Variants in SEMA3A observed in about 807,000 individuals in gnomAD.
SEMA3A encodes semaphorin-3A.
A neutral mutation model predicts 97.9 loss-of-function variants in SEMA3A; 29 were observed. The observed-to-expected ratio is 0.30, with a 90% CI of 0.22 to 0.40. The LOEUF is 0.40. Among genes scored for constraint, SEMA3A ranks in the 10% least tolerant of loss-of-function variants. SEMA3A has a pLI of 1.00. For synonymous variants in SEMA3A, 321 were observed against 323.7 expected, an observed-to-expected ratio of 0.99 and a Z score of 0.09; for missense variants, 763 against 951.3, an observed-to-expected ratio of 0.80 and a Z score of 2.60.
rs150759400 is a variant in SEMA3A at position 84,472,453 on chromosome 7, G to A, written c.-246+20007C>T. 2.1e-3 allele frequency among the ~76,000 whole-genome samples: 316 copies of A among 152,184 alleles called. 1 individual carries two copies. The highest frequency in any genetic ancestry group is 7.0e-3 in the African/African-American group (291 of 41,548). ...AAAACGCATTAGTGCTTCGTGCTTC[G>A]TATTATATTATGTGTATTGTATTTG... On this transcript the variant is annotated intron_variant, in intron 1 of 3. Coordinates refer to the SEMA3A transcript ENST00000424555.
At chr7:84,163,447 C>T (rs1797106518) in intron 1 of SEMA3A, among the ~76,000 whole-genome samples, 1 of 151,770 alleles carries the variant, frequency 6.6e-6, no homozygotes, top group African/African-American at 2.4e-5. Context: ...GTAGATCTGC[C>T]TATAATTTTC....
chr7:84,112,922 ATCTG>A (rs1357144280), intron 3 of SEMA3A, among the ~76,000 whole-genome samples: 1 of 152,198 alleles, frequency 6.6e-6, no homozygotes, highest in Non-Finnish European at 1.5e-5. Context: ...GATAACGGGA[ATCTG>A]TCTGTGTTAC....
chr7:84,446,583 C>A (rs1268038267), intron 1 of SEMA3A, among the ~76,000 whole-genome samples: 1 of 152,070 alleles, frequency 6.6e-6, no homozygotes, highest in East Asian at 1.9e-4. Flanking sequence ...TTAAGATGTA[C>A]AAAAAGCATT....
chr7:84,299,560 C>A (rs1292539839), intron 3 of SEMA3A, among the ~76,000 whole-genome samples: 1 of 151,176 alleles, frequency 6.6e-6, no homozygotes, highest in African/African-American at 2.4e-5. Flanking sequence ...AGAGTACTTT[C>A]AAAAATGGCT....
intron 1 of SEMA3A, among the ~76,000 whole-genome samples, chr7:84,440,387 A>G (rs1371373969): frequency 6.6e-6 from 1 of 152,176 alleles, no homozygotes; most frequent in African/African-American, 2.4e-5. Flanking sequence ...AAGCCAGGGT[A>G]GGTAAAATGG....
intron 4 of SEMA3A, among the ~76,000 whole-genome samples, chr7:84,066,009 C>T (rs1793473621): frequency 6.6e-6 from 1 of 151,370 alleles, no homozygotes; most frequent in Non-Finnish European, 1.5e-5. Context: ...AACATTGATG[C>T]AAAAATCCTC....
At position 84,188,757 on chromosome 7, in the gene SEMA3A, CTTAT is replaced by C. The variant is rs373675267; in HGVS notation, c.112+5714_112+5717del. On this transcript the variant is annotated intron_variant, in intron 1 of 16. Coordinates refer to ENST00000265362, the MANE Select transcript of SEMA3A (RefSeq NM_006080.3). The stretch of plus-strand genomic sequence containing the variant: ...TACAGATTAATTTCACATATCAAGC[CTTAT>C]TTAAGTTTAAATGTATGTATTTGCT... Among the ~76,000 whole-genome samples, 56 of 151,952 alleles carry C rather than the reference CTTAT, an allele frequency of 3.7e-4. 1 individual carries two copies. The highest frequency in any genetic ancestry group is 1.3e-3 in the African/African-American group (55 of 41,526).
intron 2 of SEMA3A, among the ~76,000 whole-genome samples, chr7:84,131,908 G>C (rs1228863709): frequency 6.6e-6 from 1 of 152,108 alleles, no homozygotes; most frequent in Non-Finnish European, 1.5e-5. Context: ...TCCTGCCGCA[G>C]CCTTTAGGCT....
chr7:84,001,688 TA>T (rs1790460734), intron 12 of SEMA3A, among the ~76,000 whole-genome samples: 1 of 151,694 alleles, frequency 6.6e-6, no homozygotes, highest in South Asian at 2.1e-4. Context: ...TTAAATAATA[TA>T]AAATGTAATA....
intron 1 of SEMA3A, among the ~76,000 whole-genome samples, chr7:84,458,220 G>A (rs1223961581): frequency 2.6e-5 from 4 of 152,000 alleles, no homozygotes; most frequent in Admixed American, 6.6e-5. Flanking sequence ...AATGCTTCAC[G>A]TTTATATCAA....
chr7:84,463,035 T>C (rs560032878), intron 1 of SEMA3A, among the ~76,000 whole-genome samples: 1 of 152,130 alleles, frequency 6.6e-6, no homozygotes, highest in African/African-American at 2.4e-5. Flanking sequence ...CTCATTACCG[T>C]AGTCTCTACA....
At chr7:84,430,333 C>T (rs1410089912) in intron 1 of SEMA3A, among the ~76,000 whole-genome samples, 1 of 151,780 alleles carries the variant, frequency 6.6e-6, no homozygotes, top group African/African-American at 2.4e-5. Flanking sequence ...TACTTATTAA[C>T]CAAATATAGT....
chr7:83,966,694 A>G (rs1788707219), intron 15 of SEMA3A, among the ~76,000 whole-genome samples: 1 of 144,148 alleles, frequency 6.9e-6, no homozygotes, highest in African/African-American at 2.6e-5. Context: ...ATCAGCAATA[A>G]TTATTAAAAG....
chr7:84,407,103 T>G (rs866678111), intron 1 of SEMA3A, among the ~76,000 whole-genome samples: 47 of 152,150 alleles, frequency 3.1e-4, no homozygotes, highest in Middle Eastern at 3.4e-3. Flanking sequence ...AAAAGAGGAA[T>G]TCAAATTGTC....
At chr7:84,006,532 G>A (rs1262345909) in intron 10 of SEMA3A, among the ~76,000 whole-genome samples, 1 of 151,954 alleles carries the variant, frequency 6.6e-6, no homozygotes, top group Admixed American at 6.6e-5. Context: ...ACCTCTGGAT[G>A]TAAACACTCC....
At chr7:84,441,463 G>A (rs1043927441) in intron 1 of SEMA3A, among the ~76,000 whole-genome samples, 2 of 151,840 alleles carry the variant, frequency 1.3e-5, no homozygotes, top group African/African-American at 2.4e-5. Context: ...TAAAGAATTA[G>A]TGAACATGAG....
At chr7:84,342,274 A>T (rs1008974128) in intron 2 of SEMA3A, among the ~76,000 whole-genome samples, 1 of 152,078 alleles carries the variant, frequency 6.6e-6, no homozygotes, top group Admixed American at 6.6e-5. Context: ...AGCTCAGGTG[A>T]TCTGCCTGCC....
intron 6 of SEMA3A, among the ~76,000 whole-genome samples, chr7:84,036,838 T>A (rs4732534): frequency 5.0e-4 from 76 of 151,868 alleles, no homozygotes; most frequent in Admixed American, 3.5e-3. Context: ...AATTAATATA[T>A]GTTCCAGTAA....
chr7:83,990,182 A>T (rs61343161), intron 12 of SEMA3A, among the ~76,000 whole-genome samples: 2 of 151,260 alleles, frequency 1.3e-5, no homozygotes. Context: ...TTTTTCTTGT[A>T]AATTTGTTTG....
Sources: allele counts gnomAD v4.1 joint callset (sites outside exome capture counted in the v4.1 genomes callset), GRCh38; gene constraint gnomAD v4.1.1; transcripts MANE v1.5; gene names NCBI Gene and HGNC (gene_info 2026-07-23, HGNC 2026-07-21).